CSMD3: variants seen among roughly 807,000 people sequenced by gnomAD.
CSMD3 encodes CUB and Sushi multiple domains 3, also known as CUB and sushi domain-containing protein 3.
CSMD3 carries 177 observed loss-of-function variants against 435.2 expected under a neutral mutation model. The ratio of observed to expected loss-of-function variants is 0.41; its 90% CI spans 0.36 to 0.46. The LOEUF is 0.46. Among genes scored for constraint, CSMD3 ranks in the 20% least tolerant of loss-of-function variants. The pLI, the probability that CSMD3 is intolerant of heterozygous loss-of-function variation, is 0.34. For missense variants in CSMD3, 4,265 were observed against 4,504.6 expected, an observed-to-expected ratio of 0.95 and a Z score of 1.52; for synonymous variants, 1,656 against 1,520.5, an observed-to-expected ratio of 1.09 and a Z score of -2.07.
rs530712662 is a variant in CSMD3, at chr8:112,518,111, A to C, written c.4565-886T>G. Among the ~76,000 whole-genome samples the C allele has an allele frequency of 7.2e-5, 11 of 152,302 alleles. No individual in the cohort carries two copies. The East Asian group carries it at 1.9e-3, about 27-fold the overall frequency. ...AGAATGATTCATATATATGACTTGG[A>C]TGAATTTGAAGGAAATTGTGCTAAG... On this transcript the variant is annotated intron_variant, in intron 27 of 70. Transcript: ENST00000297405.
intron 38 of CSMD3, among the ~76,000 whole-genome samples, chr8:112,378,410 A>C (rs1419085542): frequency 6.6e-6 from 1 of 152,174 alleles, no homozygotes; most frequent in Non-Finnish European, 1.5e-5. Context: ...GAAGACACGG[A>C]ATCAACCTGT....
chr8:112,762,477 A>C (rs1452045658), intron 13 of CSMD3, among the ~76,000 whole-genome samples: 1 of 151,922 alleles, frequency 6.6e-6, no homozygotes, highest in South Asian at 2.1e-4. Flanking sequence ...AGACCTCTTT[A>C]CCTGACTTCT....
chr8:112,335,595 A>G, intron 44 of CSMD3, 121 bp from the exon 45 acceptor site: 2 of 885,744 alleles, frequency 2.3e-6, no homozygotes, highest in Non-Finnish European at 3.6e-6. Flanking sequence ...ATAAAGATGC[A>G]GGAAGCTAAC....
intron 68 of CSMD3, among the ~76,000 whole-genome samples, chr8:112,232,944 T>C (rs1228802953): frequency 1.3e-5 from 2 of 152,168 alleles, no homozygotes; most frequent in Non-Finnish European, 2.9e-5. Context: ...AAGTAGTGCC[T>C]CCACAGCTAA....
chr8:113,121,415 C>T (rs539523629), intron 4 of CSMD3, among the ~76,000 whole-genome samples: 35 of 152,202 alleles, frequency 2.3e-4, no homozygotes, highest in African/African-American at 7.5e-4. Context: ...TTAGAAACAA[C>T]TATCACCATT....
chr8:112,510,129 G>C (rs371412279), intron 28 of CSMD3, among the ~76,000 whole-genome samples: 2 of 151,926 alleles, frequency 1.3e-5, no homozygotes, highest in Admixed American at 1.3e-4. Flanking sequence ...ATTTTCAACC[G>C]GTCCTTCTTT....
intron 5 of CSMD3, among the ~76,000 whole-genome samples, chr8:113,021,447 C>G (rs934284338): frequency 6.6e-6 from 1 of 151,956 alleles, no homozygotes; most frequent in Non-Finnish European, 1.5e-5. Context: ...CATGAATATC[C>G]GTTAGGGAAA....
Position 113,302,120 on chromosome 8 carries a change from T to A in CSMD3, c.401+12451A>T, listed in dbSNP as rs987518193. 4.0e-5 allele frequency among the ~76,000 whole-genome samples: 6 copies of A among 150,756 alleles called. No homozygotes were observed. In the Admixed American group the frequency reaches 4.0e-4, roughly 10 times the overall value. On this transcript the variant is annotated intron_variant, in intron 2 of 70. Transcript: ENST00000297405. Reference sequence around the variant, plus strand: ...AATAAATACAATTAATGAGCTGTGCTCGAACCTATTTATGTTCACACTTCA... The same window carrying A: ...AATAAATACAATTAATGAGCTGTGCACGAACCTATTTATGTTCACACTTCA...
intron 2 of CSMD3, among the ~76,000 whole-genome samples, chr8:113,303,355 C>G (rs1366414678): frequency 6.7e-6 from 1 of 150,078 alleles, no homozygotes; most frequent in Non-Finnish European, 1.5e-5. Context: ...TTTACAGATT[C>G]AATGCCGTCC....
intron 4 of CSMD3, among the ~76,000 whole-genome samples, chr8:113,158,135 A>G: frequency 6.6e-6 from 1 of 151,946 alleles, no homozygotes; most frequent in Non-Finnish European, 1.5e-5. Flanking sequence ...TTCTGATTGA[A>G]TAAGTCAGAT....
intron 32 of CSMD3, among the ~76,000 whole-genome samples, chr8:112,446,545 T>C (rs1212304120): frequency 6.6e-6 from 1 of 152,202 alleles, no homozygotes; most frequent in Non-Finnish European, 1.5e-5. Flanking sequence ...TTCAGTCCTA[T>C]TTACAACATA....
At position 113,005,487 on chromosome 8, in the gene CSMD3, TA is replaced by T. The variant is rs932462585; in HGVS notation, c.1030+13579del. ...AGTTCTCATAATTATATGTACGACT[TA>T]AAAAAAATGTAACATCAAAATATAC... On this transcript the variant is annotated intron_variant, in intron 6 of 70. Transcript: ENST00000297405. Among the ~76,000 whole-genome samples the T allele has an allele frequency of 9.9e-5, 15 of 151,762 alleles. No homozygotes were observed. In the East Asian group the frequency reaches 2.1e-3, roughly 22 times the overall value.
At chr8:112,983,970 A>G (rs1270712852) in intron 6 of CSMD3, among the ~76,000 whole-genome samples, 1 of 152,064 alleles carries the variant, frequency 6.6e-6, no homozygotes, top group East Asian at 1.9e-4. Context: ...GACATTTTGT[A>G]GAGCATTTGG....
At chr8:112,807,509 T>C (rs2079119680) in intron 12 of CSMD3, among the ~76,000 whole-genome samples, 1 of 148,128 alleles carries the variant, frequency 6.8e-6, no homozygotes, top group Non-Finnish European at 1.5e-5. Context: ...GGTAGGTAGG[T>C]AGGTAGGTAG....
At chr8:112,477,984 AG>A (rs566026476) in intron 31 of CSMD3, among the ~76,000 whole-genome samples, 299 of 152,210 alleles carry the variant, frequency 2.0e-3, no homozygotes, top group Middle Eastern at 3.4e-3. Context: ...TTCTTGTGAT[AG>A]GGAATAAGTC....
chr8:113,358,033 T>A (rs1295268147), intron 1 of CSMD3, among the ~76,000 whole-genome samples: 2 of 152,206 alleles, frequency 1.3e-5, no homozygotes, highest in African/African-American at 4.8e-5. Context: ...ATATTAAGTG[T>A]CTAAACTGTT....
intron 13 of CSMD3, among the ~76,000 whole-genome samples, chr8:112,723,531 C>A (rs961700712): frequency 1.5e-4 from 23 of 152,012 alleles, no homozygotes; most frequent in African/African-American, 5.6e-4. Context: ...TTCTATGTTG[C>A]CAAGAAGTGG....
chr8:112,450,464 G>A lies in CSMD3; in HGVS notation c.5395+22127C>T, dbSNP rs1231608139. Reference sequence around the variant, plus strand: ...AGAATGCATTTGCTTGCTAAAATTAGTATTATGACCTACTTGGCACATGTA... The same window carrying A: ...AGAATGCATTTGCTTGCTAAAATTAATATTATGACCTACTTGGCACATGTA... On this transcript the variant is annotated intron_variant, in intron 32 of 70. Transcript: ENST00000297405. Among the ~76,000 whole-genome samples the A allele has an allele frequency of 5.3e-5, 8 of 152,146 alleles. No homozygotes were observed. The South Asian group carries it at 1.7e-3, about 31-fold the overall frequency.
intron 2 of CSMD3, among the ~76,000 whole-genome samples, chr8:113,281,815 A>G (rs1376517679): frequency 1.3e-5 from 2 of 151,846 alleles, no homozygotes; most frequent in Non-Finnish European, 2.9e-5. Context: ...ATGTGTTTCC[A>G]GGATTTGTTT....
Sources: allele counts gnomAD v4.1 joint callset (sites outside exome capture counted in the v4.1 genomes callset), GRCh38; gene constraint gnomAD v4.1.1; transcripts MANE v1.5; gene names NCBI Gene and HGNC (gene_info 2026-07-23, HGNC 2026-07-21).